The following ALK variants were observed in gnomAD, a reference collection of about 807,000 sequenced individuals.
ALK encodes ALK receptor tyrosine kinase.
A neutral mutation model predicts 163.1 loss-of-function variants in ALK; 74 were observed. The observed-to-expected ratio is 0.45, with a 90% CI of 0.38 to 0.55. The LOEUF (loss-of-function observed/expected upper bound fraction) is 0.55, where lower values mean the gene tolerates loss of function less well. Among genes scored for constraint, ALK ranks in the 20% least tolerant of loss-of-function variants. The probability of loss-of-function intolerance (pLI) is 0.00; values close to 1 mark genes in which losing one functional copy is unlikely to be tolerated. For missense variants in ALK, 2,063 were observed against 2,105.3 expected, an observed-to-expected ratio of 0.98 and a Z score of 0.39; for synonymous variants, 960 against 843.2, an observed-to-expected ratio of 1.14 and a Z score of -2.40.
chr2:29,207,487 G>A (rs756426790), intron 25 of ALK, among the ~76,000 whole-genome samples: 3 of 152,196 alleles, frequency 2.0e-5, no homozygotes, highest in Non-Finnish European at 4.4e-5. Context: ...AACAAACCAC[G>A]AGAGGCATGA....
At position 29,222,247 on chromosome 2, in the gene ALK, C is replaced by T. The variant is rs72852030; in HGVS notation, c.3515+97G>A. Reference sequence around the variant, plus strand: ...AGAAAAGGGGACATGCTAGGGACAACACGATTTCCCTTGGAGATATCGATC... The same window carrying T: ...AGAAAAGGGGACATGCTAGGGACAATACGATTTCCCTTGGAGATATCGATC... On this transcript the variant is annotated intron_variant, in intron 22 of 28. Coordinates refer to ENST00000389048, the MANE Select transcript of ALK (RefSeq NM_004304.5). 0.021 allele frequency: 23,527 copies of T among 1,125,338 alleles called. 461 individuals carry two copies. The highest frequency in any genetic ancestry group is 0.089 in the African/African-American group (5,801 of 65,164). The allele number at this position is 1,125,338 out of a possible 1,614,324, so 69.7% of individuals were successfully genotyped here.
At chr2:29,628,850 C>T (rs12052994) in intron 3 of ALK, among the ~76,000 whole-genome samples, 95,665 of 152,058 alleles carry the variant, frequency 0.63, 30,967 homozygotes, top group Middle Eastern at 0.73. Flanking sequence ...CATAATAAAA[C>T]ATTCACATAC....
At chr2:29,813,439 A>C (rs976883360) in intron 1 of ALK, among the ~76,000 whole-genome samples, 11 of 152,078 alleles carry the variant, frequency 7.2e-5, no homozygotes, top group Admixed American at 5.2e-4. Context: ...GAGGAGGAGG[A>C]GGAGGGAAAG....
chr2:29,430,793 G>T (rs1213055066), intron 4 of ALK, among the ~76,000 whole-genome samples: 2 of 152,222 alleles, frequency 1.3e-5, no homozygotes, highest in Non-Finnish European at 2.9e-5. Flanking sequence ...GCCAAATACT[G>T]TGTATGCTTT....
chr2:29,500,264 G>C (rs1242112802), intron 4 of ALK, among the ~76,000 whole-genome samples: 1 of 152,176 alleles, frequency 6.6e-6, no homozygotes, highest in Non-Finnish European at 1.5e-5. Context: ...CCTCGGTACT[G>C]TTCTTGTGAT....
intron 3 of ALK, among the ~76,000 whole-genome samples, chr2:29,643,600 C>T (rs1455139727): frequency 6.6e-6 from 1 of 152,120 alleles, no homozygotes; most frequent in Non-Finnish European, 1.5e-5. Context: ...GGACCTGAGC[C>T]AGGAGCGGGT....
intron 3 of ALK, among the ~76,000 whole-genome samples, chr2:29,535,754 A>G (rs1007768465): frequency 6.6e-6 from 1 of 152,164 alleles, no homozygotes; most frequent in South Asian, 2.1e-4. Flanking sequence ...CTCTCTAAGG[A>G]TTCTTACAGC....
Position 29,651,592 on chromosome 2 carries a change from G to C in ALK, c.952+43258C>G, listed in dbSNP as rs114976629. Among the ~76,000 whole-genome samples, 716 of 152,248 alleles carry C rather than the reference G, an allele frequency of 4.7e-3. 8 individuals carry two copies. Among genetic ancestry groups the C allele is most frequent in the African/African-American group, 0.015 (623 of 41,554 alleles). ...TTATGTTTTTCTTTCCAAACTCTGA[G>C]AGTCACCCAATTCAAAGGCTTCTGT... On this transcript the variant is annotated intron_variant, in intron 3 of 28. Transcript: ENST00000389048.
At chr2:29,896,998 T>C (rs1301953153) in intron 1 of ALK, among the ~76,000 whole-genome samples, 1 of 151,596 alleles carries the variant, frequency 6.6e-6, no homozygotes, top group Non-Finnish European at 1.5e-5. Flanking sequence ...GACATAGATG[T>C]AAATAGAGAT....
rs191510382 is a variant in ALK at position 29,856,888 on chromosome 2, C to T, written c.667+63105G>A. ...AATTGGATGACCTCGCAGTTTCTCC[C>T]GCCTCTAGGATTCTGTAATAGGATT... On this transcript the variant is annotated intron_variant, in intron 1 of 28. Transcript: ENST00000389048. 9.6e-4 allele frequency among the ~76,000 whole-genome samples: 146 copies of T among 152,294 alleles called. 1 individual carries two copies. The highest frequency in any genetic ancestry group is 1.4e-3 in the Non-Finnish European group (96 of 68,020).
At chr2:29,705,565 G>C (rs1678885380) in intron 2 of ALK, among the ~76,000 whole-genome samples, 2 of 151,954 alleles carry the variant, frequency 1.3e-5, no homozygotes, top group Admixed American at 1.3e-4. Flanking sequence ...AGGCACCAGA[G>C]TGTCTGGGGA....
At chr2:29,200,737 A>C (rs1573089125) in intron 26 of ALK, among the ~76,000 whole-genome samples, 1 of 142,796 alleles carries the variant, frequency 7.0e-6, no homozygotes, top group Non-Finnish European at 1.5e-5. Context: ...ATGTATATAT[A>C]TACGTATATA....
At chr2:29,237,505 G>A (rs1428025435) in intron 13 of ALK, among the ~76,000 whole-genome samples, 1 of 152,096 alleles carries the variant, frequency 6.6e-6, no homozygotes, top group African/African-American at 2.4e-5. Flanking sequence ...CTGGGACATG[G>A]CCTTTGCTGG....
At chr2:29,688,032 A>G (rs1203084818) in intron 3 of ALK, among the ~76,000 whole-genome samples, 2 of 152,218 alleles carry the variant, frequency 1.3e-5, no homozygotes, top group Admixed American at 1.3e-4. Context: ...TTCTATAAAG[A>G]TATATCTCGA....
intron 1 of ALK, among the ~76,000 whole-genome samples, chr2:29,848,131 G>A (rs1665895020): frequency 6.6e-6 from 1 of 152,152 alleles, no homozygotes; most frequent in East Asian, 1.9e-4. Flanking sequence ...GGCAGCGGGT[G>A]TGAATAGGTC....
chr2:29,854,244 T>G (rs183467275), intron 1 of ALK, among the ~76,000 whole-genome samples: 1 of 152,308 alleles, frequency 6.6e-6, no homozygotes, highest in East Asian at 1.9e-4. Flanking sequence ...ATTTAGGCAA[T>G]GATATCATTT....
At chr2:29,277,484 C>T (rs1011336217) in intron 9 of ALK, among the ~76,000 whole-genome samples, 2 of 152,222 alleles carry the variant, frequency 1.3e-5, no homozygotes, top group Admixed American at 6.5e-5. Context: ...TGCTTTCAAC[C>T]ATCTTGTGAG....
chr2:29,552,883 T>A (rs1032872659), intron 3 of ALK, among the ~76,000 whole-genome samples: 1 of 152,170 alleles, frequency 6.6e-6, no homozygotes, highest in African/African-American at 2.4e-5. Context: ...CAGCCTCCCA[T>A]CCTGCCTGTC....
intron 3 of ALK, among the ~76,000 whole-genome samples, chr2:29,587,406 G>C (rs1185169078): frequency 1.3e-5 from 2 of 152,044 alleles, no homozygotes; most frequent in East Asian, 3.9e-4. Flanking sequence ...AAAGCTCAAG[G>C]TGAAATAGCC....
Sources: allele counts gnomAD v4.1 joint callset (sites outside exome capture counted in the v4.1 genomes callset), GRCh38; gene constraint gnomAD v4.1.1; transcripts MANE v1.5; gene names NCBI Gene and HGNC (gene_info 2026-07-23, HGNC 2026-07-21).